The following CEP83 variants were observed in gnomAD, a reference collection of about 807,000 sequenced individuals.
CEP83 encodes centrosomal protein 83.
In CEP83, 70 loss-of-function variants were observed where a neutral mutation model predicts 101.9. The observed-to-expected ratio is 0.69, with a 90% CI of 0.57 to 0.84. The LOEUF is 0.84. CEP83 is among the 40% of genes least tolerant of loss of function. The pLI is 0.00. For synonymous variants in CEP83, 264 were observed against 267.9 expected (o/e 0.99, Z 0.14); for missense variants, 715 against 787.2 (o/e 0.91, Z 1.10).
At chr12:94,301,863 A>C (rs1188679763), downstream of CEP83, among the ~76,000 whole-genome samples, 1 of 152,152 alleles carries the variant, frequency 6.6e-6, no homozygotes, top group Non-Finnish European at 1.5e-5. Context: ...CCTCAACGTT[A>C]TCTTTGACTC....
chr12:94,380,656 A>T (rs2061798164), intron 6 of CEP83, among the ~76,000 whole-genome samples: 2 of 152,188 alleles, frequency 1.3e-5, no homozygotes, highest in South Asian at 2.1e-4. Context: ...GTGATGGCTC[A>T]TCTAAGGTCA....
chr12:94,391,925 A>G (rs1237882174), intron 6 of CEP83, among the ~76,000 whole-genome samples: 2 of 152,340 alleles, frequency 1.3e-5, no homozygotes, highest in East Asian at 3.9e-4. Context: ...GGATCAATTC[A>G]ACAAGAAGAC....
At chr12:94,327,624 C>T (rs2059028140) in intron 14 of CEP83, among the ~76,000 whole-genome samples, 1 of 152,186 alleles carries the variant, frequency 6.6e-6, no homozygotes, top group Admixed American at 6.5e-5. Flanking sequence ...TGACATTCTT[C>T]AATCCATTAT....
At chr12:94,397,653 T>C (rs1424793988) in intron 6 of CEP83, among the ~76,000 whole-genome samples, 1 of 152,120 alleles carries the variant, frequency 6.6e-6, no homozygotes, top group Non-Finnish European at 1.5e-5. Context: ...ACTAAGAAAC[T>C]AGAGAATACA....
intron 4 of CEP83, among the ~76,000 whole-genome samples, chr12:94,408,382 AG>A (rs1486793500): frequency 1.3e-5 from 2 of 152,230 alleles, no homozygotes; most frequent in Non-Finnish European, 2.9e-5. Context: ...GCTTCCCAGC[AG>A]CCAAAACAAA....
chr12:94,396,551 G>T (rs949549399), intron 6 of CEP83, among the ~76,000 whole-genome samples: 4 of 151,960 alleles, frequency 2.6e-5, no homozygotes, highest in Non-Finnish European at 5.9e-5. Context: ...GCCTCCCCAA[G>T]TGCTGGGATT....
Position 94,399,105 on chromosome 12 carries a change from T to G in CEP83, c.549+1745A>C, listed in dbSNP as rs574517635. On this transcript the variant is annotated intron_variant, in intron 6 of 16. Coordinates refer to ENST00000397809, the MANE Select transcript of CEP83 (RefSeq NM_016122.3). ...GATCTTTGTTTCTGCCCTTTGCCTTTTGATCTTTGTTCTCCTTTTTGCCCT... is the reference window on the plus strand; with the variant it reads ...GATCTTTGTTTCTGCCCTTTGCCTTGTGATCTTTGTTCTCCTTTTTGCCCT... Among the ~76,000 whole-genome samples, 3 of 152,342 alleles carry G rather than the reference T, an allele frequency of 2.0e-5. No homozygotes were observed. In the East Asian group the frequency reaches 5.8e-4, roughly 29 times the overall value.
At chr12:94,266,363 C>G in the CEP83 span, among the ~76,000 whole-genome samples, 1 of 152,180 alleles carries the variant, frequency 6.6e-6, no homozygotes, top group Non-Finnish European at 1.5e-5. Context: ...GTCAACACTT[C>G]TCAGCGTTCT....
At chr12:94,437,463 G>GA (rs2066081308) in intron 1 of CEP83, among the ~76,000 whole-genome samples, 1 of 152,174 alleles carries the variant, frequency 6.6e-6, no homozygotes, top group Admixed American at 6.5e-5. Flanking sequence ...ACAAAGAAAA[G>GA]AATCTTAACA....
intron 4 of CEP83, among the ~76,000 whole-genome samples, chr12:94,404,381 A>G (rs909290111): frequency 6.6e-6 from 1 of 152,200 alleles, no homozygotes; most frequent in Non-Finnish European, 1.5e-5. Flanking sequence ...TATAGAACCC[A>G]AACTCAAGCC....
chr12:94,317,862 T>C (rs1189379828), intron 14 of CEP83, among the ~76,000 whole-genome samples: 3 of 152,098 alleles, frequency 2.0e-5, no homozygotes, highest in Non-Finnish European at 4.4e-5. Context: ...GACTCCACGT[T>C]TTTTGTTGTT....
intron 8 of CEP83, among the ~76,000 whole-genome samples, chr12:94,371,629 T>C (rs1363375103): frequency 6.6e-6 from 1 of 152,006 alleles, no homozygotes; most frequent in Non-Finnish European, 1.5e-5. Flanking sequence ...AAATGTGAGA[T>C]GGCAGAAACA....
chr12:94,417,724 G>A (rs929295192), intron 2 of CEP83, among the ~76,000 whole-genome samples: 1 of 152,022 alleles, frequency 6.6e-6, no homozygotes, highest in African/African-American at 2.4e-5. Context: ...GGAGGCAGGG[G>A]TTGCAGTGAG....
downstream of CEP83, among the ~76,000 whole-genome samples, chr12:94,301,722 G>A (rs1393251463): frequency 1.3e-5 from 2 of 150,204 alleles, no homozygotes; most frequent in Non-Finnish European, 2.9e-5. Context: ...TGGAATGAAT[G>A]GAGACTGATG....
At chr12:94,300,463 G>C in the CEP83 span, among the ~76,000 whole-genome samples, 4 of 152,164 alleles carry the variant, frequency 2.6e-5, no homozygotes, top group African/African-American at 9.7e-5. Context: ...GAATGAGCGC[G>C]GTGAGGAGCA....
At chr12:94,304,140 C>A, downstream of CEP83, 1 of 854,848 alleles carries the variant, frequency 1.2e-6, no homozygotes. Flanking sequence ...ACAGCTCTGG[C>A]ATCCCAAAAG....
chr12:94,364,217 C>T (rs2060913271), intron 11 of CEP83, among the ~76,000 whole-genome samples: 1 of 151,944 alleles, frequency 6.6e-6, no homozygotes, highest in Non-Finnish European at 1.5e-5. Flanking sequence ...GTATTCAATA[C>T]CACTGAATTG....
At chr12:94,353,739 A>C (rs1357823195) in intron 11 of CEP83, among the ~76,000 whole-genome samples, 1 of 152,034 alleles carries the variant, frequency 6.6e-6, no homozygotes, top group East Asian at 1.9e-4. Flanking sequence ...GGGGAAAAAA[A>C]AAAAAACACT....
chr12:94,415,126 A>C (rs935946808), intron 2 of CEP83, among the ~76,000 whole-genome samples: 1 of 152,122 alleles, frequency 6.6e-6, no homozygotes, highest in Non-Finnish European at 1.5e-5. Flanking sequence ...GAAAAACATG[A>C]AAACAAGGCA....
Sources: gnomAD v4.1 joint callset for allele counts (sites outside exome capture counted in the v4.1 genomes callset) on GRCh38, gnomAD v4.1.1 for gene constraint, MANE v1.5 for transcripts, NCBI Gene and HGNC (gene_info 2026-07-23, HGNC 2026-07-21) for gene names.